The following CIRSR variants were observed in gnomAD, a reference collection of about 807,000 sequenced individuals.
CIRSR encodes CBF1 (RBPJ) interacting corepressor 1.
chr2:174,355,834 T>C, the CIRSR span, among the ~76,000 whole-genome samples: 7 of 152,200 alleles, frequency 4.6e-5, no homozygotes, highest in African/African-American at 1.7e-4. Flanking sequence ...GGCATACAAC[T>C]GACTCCACAA....
At chr2:174,372,685 C>T in the CIRSR span, among the ~76,000 whole-genome samples, 3 of 152,168 alleles carry the variant, frequency 2.0e-5, no homozygotes, top group African/African-American at 7.2e-5. Flanking sequence ...CAGGTTTGAG[C>T]GATTCTCGTG....
chr2:174,395,334 T>C, the CIRSR span, among the ~76,000 whole-genome samples: 1 of 152,204 alleles, frequency 6.6e-6, no homozygotes, highest in Non-Finnish European at 1.5e-5. Flanking sequence ...ACAAAGATTC[T>C]CTAGGCCACC....
the CIRSR span, among the ~76,000 whole-genome samples, chr2:174,356,804 T>C: frequency 6.6e-6 from 1 of 152,206 alleles, no homozygotes; most frequent in South Asian, 2.1e-4. Flanking sequence ...TCCCTTCTCA[T>C]TGTGTGTGTG....
the CIRSR span, among the ~76,000 whole-genome samples, chr2:174,388,364 A>G: frequency 1.3e-5 from 2 of 151,718 alleles, no homozygotes; most frequent in African/African-American, 4.8e-5. Context: ...ACACCAAACT[A>G]ATTTTTTTGT....
At chr2:174,378,985 C>CG in the CIRSR span, 1 of 1,613,964 alleles carries the variant, frequency 6.2e-7, no homozygotes, top group Non-Finnish European at 8.5e-7. Context: ...AGGACATTCT[C>CG]GATCTGTGTT....
chr2:174,350,943 G>T, the CIRSR span, among the ~76,000 whole-genome samples: 1 of 152,176 alleles, frequency 6.6e-6, no homozygotes, highest in Non-Finnish European at 1.5e-5. Flanking sequence ...AGCACTAAGA[G>T]GTTAACATGA....
chr2:174,381,734 T>C, the CIRSR span: 1 of 1,596,112 alleles, frequency 6.3e-7, no homozygotes, highest in South Asian at 1.1e-5. Context: ...GCTTCATACA[T>C]GAAATTAAGG....
At chr2:174,373,669 A>G in the CIRSR span, among the ~76,000 whole-genome samples, 1 of 152,166 alleles carries the variant, frequency 6.6e-6, no homozygotes, top group Middle Eastern at 3.4e-3. Flanking sequence ...TACTCAAGAT[A>G]TCAACAGTTG....
At chr2:174,364,301 C>T in the CIRSR span, among the ~76,000 whole-genome samples, 2 of 152,346 alleles carry the variant, frequency 1.3e-5, no homozygotes, top group East Asian at 1.9e-4. Flanking sequence ...CCTTGGGCAG[C>T]TCAGCCCCTG....
the CIRSR span, among the ~76,000 whole-genome samples, chr2:174,364,733 T>C: frequency 2.0e-5 from 3 of 151,840 alleles, no homozygotes; most frequent in African/African-American, 7.3e-5. Flanking sequence ...AAGATCTACA[T>C]TGGCCTCTTT....
At chr2:174,381,908 C>T in the CIRSR span, 1 of 608,076 alleles carries the variant, frequency 1.6e-6, no homozygotes, top group African/African-American at 1.9e-5. Flanking sequence ...AGTTCTAAAA[C>T]TTTACTCCAC....
the CIRSR span, among the ~76,000 whole-genome samples, chr2:174,354,015 CA>C: frequency 6.6e-6 from 1 of 152,078 alleles, no homozygotes; most frequent in African/African-American, 2.4e-5. Context: ...CTAATTTCAT[CA>C]GTTTTCATCA....
the CIRSR span, chr2:174,378,663 A>C: frequency 1.2e-5 from 5 of 431,820 alleles, no homozygotes; most frequent in Admixed American, 3.8e-5. Flanking sequence ...ACTATGTTTA[A>C]TGTATTTTAC....
chr2:174,392,079 T>C, the CIRSR span, among the ~76,000 whole-genome samples: 1 of 152,098 alleles, frequency 6.6e-6, no homozygotes, highest in Non-Finnish European at 1.5e-5. Context: ...CTCACTGCAA[T>C]CTCCGCCTCC....
the CIRSR span, among the ~76,000 whole-genome samples, chr2:174,384,666 C>T: frequency 1.8e-4 from 27 of 151,812 alleles, no homozygotes; most frequent in African/African-American, 6.3e-4. Context: ...CTCAAGCAAT[C>T]CTCCTGCCAC....
the CIRSR span, among the ~76,000 whole-genome samples, chr2:174,363,617 G>T: frequency 6.6e-6 from 1 of 152,180 alleles, no homozygotes; most frequent in Non-Finnish European, 1.5e-5. Context: ...GGTTTAATTG[G>T]ACTTATAGTT....
the CIRSR span, chr2:174,380,115 T>C: frequency 4.6e-6 from 4 of 870,900 alleles, no homozygotes; most frequent in South Asian, 5.4e-5. Flanking sequence ...GTGCCCCTTT[T>C]CAGCTTAAAC....
chr2:174,376,784 C>A, the CIRSR span, among the ~76,000 whole-genome samples: 3 of 105,298 alleles, frequency 2.8e-5, no homozygotes, highest in Non-Finnish European at 5.4e-5. Context: ...GGTGGCAAAG[C>A]GAGACTCTGT....
At chr2:174,373,242 C>T in the CIRSR span, among the ~76,000 whole-genome samples, 1 of 152,126 alleles carries the variant, frequency 6.6e-6, no homozygotes, top group Non-Finnish European at 1.5e-5. Flanking sequence ...TGTTCTCAAA[C>T]CATGTCAGTT....
Sources: allele counts gnomAD v4.1 joint callset (sites outside exome capture counted in the v4.1 genomes callset), GRCh38; gene constraint gnomAD v4.1.1; transcripts MANE v1.5; gene names NCBI Gene and HGNC (gene_info 2026-07-23, HGNC 2026-07-21).